POU2F1: variants seen among roughly 807,000 people sequenced by gnomAD.
The protein encoded by POU2F1 is POU class 2 homeobox 1.
A neutral mutation model predicts 84.9 loss-of-function variants in POU2F1; 16 were observed. The observed-to-expected ratio is 0.19, with a 90% CI of 0.13 to 0.29. The LOEUF is 0.29. POU2F1 is among the 10% of genes least tolerant of loss of function. POU2F1 has a pLI of 1.00. For missense variants in POU2F1, 738 were observed against 942.6 expected (o/e 0.78, Z 2.84); for synonymous variants, 368 against 368.3 (o/e 1.00, Z 0.01).
intron 1 of POU2F1, among the ~76,000 whole-genome samples, chr1:167,308,191 C>T (rs1417592983): frequency 2.6e-5 from 4 of 151,962 alleles, no homozygotes; most frequent in South Asian, 2.1e-4. Flanking sequence ...CTCAGCCTTC[C>T]GAGTAGCTGG....
chr1:167,378,381 A>G lies in POU2F1; in HGVS notation c.718+2226A>G, dbSNP rs1660471144. ...CTCCCAAGTAGCTGGGATTACAGGC[A>G]TGCGCCACCATGCCCAGCTAATTTT... On this transcript the variant is annotated intron_variant, in intron 7 of 15. Transcript: ENST00000367866. 2.1e-5 allele frequency among the ~76,000 whole-genome samples: 3 copies of G among 143,344 alleles called. No individual in the cohort carries two copies. In the South Asian group the frequency reaches 6.7e-4, roughly 32 times the overall value. 94.0% of individuals were successfully genotyped at this position (143,344 alleles called of 152,430 possible). A position where few individuals can be genotyped will look rare whatever the true frequency, so the allele number is the denominator to read the frequency against.
chr1:167,272,742 G>A lies in POU2F1; in HGVS notation c.61+51784G>A, dbSNP rs150032892. Among the ~76,000 whole-genome samples the A allele has an allele frequency of 7.2e-5, 11 of 152,192 alleles. No homozygotes were observed. In the East Asian group the frequency reaches 1.5e-3, roughly 21 times the overall value. On this transcript the variant is annotated intron_variant, in intron 1 of 15. Coordinates refer to ENST00000367866, the MANE Select transcript of POU2F1 (RefSeq NM_002697.4). ...CCTTCCAGGCCCCTCATCCAACATC[G>A]AGGATTACAATTTGACATGAGATTT...
intron 1 of POU2F1, chr1:167,328,896 C>A: frequency 3.6e-6 from 1 of 280,780 alleles, no homozygotes; most frequent in Non-Finnish European, 5.5e-6. Context: ...GAGAGATTTG[C>A]ATAAGGCCCT....
rs1234783649 is a variant in POU2F1, at chr1:167,332,470, A to G, written c.62A>G (p.Asp21Gly). Residue 21 changes from aspartate to glycine, a missense_variant and splice_region_variant, in exon 2 of 16, where the codon GAC becomes GGC. By Grantham distance (94) the Asp-to-Gly change is moderately conservative. Coordinates refer to ENST00000367866, the MANE Select transcript of POU2F1 (RefSeq NM_002697.4). ...ESSAAAAAAADSRMNNPSETS... is the reference protein window; with the variant it reads ...ESSAAAAAAAGSRMNNPSETS... ...CTTATTCTCCTCTGATTTATTGCAGACTCAAGAATGAACAATCCGTCAGAA... is the reference window on the plus strand; with the variant it reads ...CTTATTCTCCTCTGATTTATTGCAGGCTCAAGAATGAACAATCCGTCAGAA... The G allele has an allele frequency of 6.2e-7, 1 of 1,608,000 alleles. No homozygotes were observed.
At chr1:167,364,498 C>G (rs1320999729) in intron 2 of POU2F1, among the ~76,000 whole-genome samples, 1 of 93,086 alleles carries the variant, frequency 1.1e-5, no homozygotes, top group Non-Finnish European at 2.3e-5. Context: ...CCACTGCACT[C>G]CAGCCTGGGC....
chr1:167,291,255 C>T (rs899606291), intron 1 of POU2F1, among the ~76,000 whole-genome samples: 3 of 152,154 alleles, frequency 2.0e-5, no homozygotes, highest in African/African-American at 7.2e-5. Context: ...TTGGATTGAT[C>T]ATTGCTAACA....
chr1:167,394,516 T>C (rs1373736422), intron 9 of POU2F1, among the ~76,000 whole-genome samples: 1 of 152,206 alleles, frequency 6.6e-6, no homozygotes, highest in East Asian at 1.9e-4. Context: ...TTCAGAACTG[T>C]CATTAAAACT....
intron 1 of POU2F1, among the ~76,000 whole-genome samples, chr1:167,277,091 A>G (rs1652779313): frequency 6.6e-6 from 1 of 151,140 alleles, no homozygotes; most frequent in Admixed American, 6.6e-5. Flanking sequence ...TTCTTATTTG[A>G]CCTCTCAGTG....
intron 13 of POU2F1, 92 bp from the exon 14 acceptor site, chr1:167,411,867 A>T (rs1229779247): frequency 8.5e-7 from 1 of 1,176,806 alleles, no homozygotes; most frequent in Non-Finnish European, 1.2e-6. Context: ...TAGGTTAATT[A>T]TTCCATTGAT....
At chr1:167,335,323 A>G (rs1408664657) in intron 2 of POU2F1, among the ~76,000 whole-genome samples, 1 of 152,196 alleles carries the variant, frequency 6.6e-6, no homozygotes, top group African/African-American at 2.4e-5. Flanking sequence ...GAGGTACAGA[A>G]AAGTGCCATA....
At position 167,416,365 on chromosome 1, in the gene POU2F1, G is replaced by A. The variant is rs143903937; in HGVS notation, c.*555G>A. 1 of 212,450 alleles carries A rather than the reference G, an allele frequency of 4.7e-6. No homozygotes were observed. Among genetic ancestry groups the A allele is most frequent in the East Asian group, 1.4e-4 (1 of 7,404 alleles). The allele number at this position is 212,450 out of a possible 1,614,324, so 13.2% of individuals were successfully genotyped here. A position where few individuals can be genotyped will look rare whatever the true frequency, so the allele number is the denominator to read the frequency against. On this transcript the variant is annotated 3_prime_UTR_variant, in exon 16 of 16. Transcript: ENST00000367866. ...TTCTTAACTGGTACAATTTAGGCAG[G>A]CCTGTATTACTGTATTATTATTGTT...
At chr1:167,339,814 TTACTA>T (rs1164468937) in intron 2 of POU2F1, among the ~76,000 whole-genome samples, 3 of 152,254 alleles carry the variant, frequency 2.0e-5, no homozygotes, top group Admixed American at 2.0e-4. Flanking sequence ...ACAAATTAAT[TTACTA>T]TAAAGTAGTA....
Position 167,365,474 on chromosome 1 carries a change from A to C in POU2F1, c.135A>C (p.Gln45His), listed in dbSNP as rs560670645. 2 of 1,586,730 alleles carry C rather than the reference A, an allele frequency of 1.3e-6. No homozygotes were observed. Among genetic ancestry groups the C allele is most frequent in the South Asian group, 1.2e-5 (1 of 86,470 alleles). ...ATTTTGCTTGCTTTCTAGGCACACAAACCAATGGTCTGGACTTTCAGAAGC... is the reference window on the plus strand; with the variant it reads ...ATTTTGCTTGCTTTCTAGGCACACACACCAATGGTCTGGACTTTCAGAAGC... ...MESGDGNTGT[Q>H]TNGLDFQKQP... Residue 45 changes from glutamine (Q) to histidine (H), a missense_variant, in exon 3 of 16, where the codon CAA (glutamine) becomes CAC (histidine). Physicochemically the swap from Gln to His is conservative, Grantham distance 24 (BLOSUM62 0). Transcript: ENST00000367866.
chr1:167,404,790 T>A (rs771914375), intron 13 of POU2F1, among the ~76,000 whole-genome samples: 12 of 152,226 alleles, frequency 7.9e-5, no homozygotes, highest in Non-Finnish European at 1.6e-4. Flanking sequence ...TCTTCTCCTG[T>A]GCCCTTCTGG....
At position 167,415,672 on chromosome 1, in the gene POU2F1, A is replaced by T. The variant is rs1280354982; in HGVS notation, c.2163A>T (p.Ala721=). ...TTAGCTTGGTCTCTGCCGCCGCAGC[A>T]TCTGCAGGGAACTCTGCACCTGTAG... ...NPVSLVSAAA[A]SAGNSAPVAS... Residue 721 remains alanine (A), a synonymous_variant, in exon 16 of 16, where the codon GCA becomes GCT. Transcript: ENST00000367866. The T allele has an allele frequency of 6.2e-7, 1 of 1,614,196 alleles. No individual in the cohort carries two copies. The highest frequency in any genetic ancestry group is 2.2e-5 in the East Asian group (1 of 44,876).
intron 1 of POU2F1, among the ~76,000 whole-genome samples, chr1:167,226,478 G>A (rs1165146336): frequency 1.3e-5 from 2 of 152,108 alleles, no homozygotes; most frequent in African/African-American, 2.4e-5. Flanking sequence ...ATTCTTCTTA[G>A]GAATAAATTG....
chr1:167,406,858 G>T (rs1649612809), intron 13 of POU2F1, among the ~76,000 whole-genome samples: 1 of 151,938 alleles, frequency 6.6e-6, no homozygotes, highest in South Asian at 2.1e-4. Flanking sequence ...GAAGTTAAAA[G>T]AAGTCTAAAT....
chr1:167,367,302 G>A (rs1659745865), intron 3 of POU2F1, among the ~76,000 whole-genome samples: 1 of 151,946 alleles, frequency 6.6e-6, no homozygotes, highest in Non-Finnish European at 1.5e-5. Context: ...TAGGTCTGTT[G>A]CCCCATTAAC....
Position 167,415,545 on chromosome 1 carries a change from C to T in POU2F1, c.2036C>T (p.Thr679Ile). The change falls in exon 16 of 16, where the codon ACT becomes ATT. Residue 679 changes from threonine to isoleucine, a missense_variant. Thr to Ile is a moderately conservative substitution (Grantham distance 89). This residue lies in a region of POU2F1 where 319 missense variants were observed against 386.0 expected (regional missense o/e 0.83). Coordinates refer to ENST00000367866, the MANE Select transcript of POU2F1 (RefSeq NM_002697.4). ...CTTCCAATAACATCACTTGATGCAA[C>T]TGGGAACCTGGTATTTGCCAATGCG... ...GSLPITSLDA[T>I]GNLVFANAGG... 6.2e-7 allele frequency: 1 copy of T among 1,614,144 alleles called. No homozygotes were observed. The highest frequency in any genetic ancestry group is 8.5e-7 in the Non-Finnish European group (1 of 1,180,020).
Sources: allele counts gnomAD v4.1 joint callset (sites outside exome capture counted in the v4.1 genomes callset), GRCh38; gene constraint gnomAD v4.1.1; regional missense constraint gnomAD v4.1.1; transcripts MANE v1.5; gene names NCBI Gene and HGNC (gene_info 2026-07-23, HGNC 2026-07-21).